The following SPTBN1 variants were observed in gnomAD, a reference collection of about 807,000 sequenced individuals.
SPTBN1 encodes the protein spectrin beta, non-erythrocytic 1, also known as spectrin beta chain, non-erythrocytic 1.
A neutral mutation model predicts 266.4 loss-of-function variants in SPTBN1; 32 were observed. That is an observed-to-expected ratio of 0.12 (90% CI 0.09 to 0.16). SPTBN1 has a LOEUF of 0.16. Among genes scored for constraint, SPTBN1 ranks in the 10% least tolerant of loss-of-function variants. The pLI, the probability that SPTBN1 is intolerant of heterozygous loss-of-function variation, is 1.00. For missense variants in SPTBN1, 2,296 were observed against 3,067.1 expected (o/e 0.75, Z 5.94); for synonymous variants, 1,336 against 1,162.2 (o/e 1.15, Z -3.04).
chr2:54,628,674 T>C lies in SPTBN1; in HGVS notation c.1799-259T>C, dbSNP rs1381849944. 6.6e-6 allele frequency among the ~76,000 whole-genome samples: 1 copy of C among 152,216 alleles called. No individual in the cohort carries two copies. The highest frequency in any genetic ancestry group is 2.4e-5 in the African/African-American group (1 of 41,464). ...ATATGCAGCTGCCTTTTTCATATGA[T>C]TCAAGTGCTTTCTTGCAGGAGGATG... On this transcript the variant is annotated intron_variant, in intron 13 of 35. Transcript: ENST00000356805. The surrounding 1 kb of genome is among the most constrained non-coding windows in gnomAD (Gnocchi z 4.3).
chr2:54,573,243 A>G (rs1056916364), intron 2 of SPTBN1, among the ~76,000 whole-genome samples: 13 of 152,122 alleles, frequency 8.5e-5, no homozygotes, highest in African/African-American at 3.1e-4. Flanking sequence ...GGCACCAGGG[A>G]CTGGTTTTGT....
chr2:54,598,891 C>CA (rs1350263264), intron 2 of SPTBN1, among the ~76,000 whole-genome samples: 8 of 152,146 alleles, frequency 5.3e-5, no homozygotes, highest in Non-Finnish European at 1.2e-4. Flanking sequence ...ATCGTAAAGT[C>CA]AAAAAATTGT....
intron 27 of SPTBN1, among the ~76,000 whole-genome samples, chr2:54,654,609 T>G (rs1680527490): frequency 6.6e-6 from 1 of 152,198 alleles, no homozygotes; most frequent in Non-Finnish European, 1.5e-5. Flanking sequence ...CTGTGTATCT[T>G]TTTGTGTCTG....
rs1681653129 is a variant in SPTBN1 at position 54,670,606 on chromosome 2, T to C, written c.*2037T>C. The stretch of plus-strand genomic sequence containing the variant: ...CAAAATGTTTAGTTAAGGCAAAGTA[T>C]CTTGGAAACAATTGTGATTAATTAC... On this transcript the variant is annotated 3_prime_UTR_variant, in exon 36 of 36. Coordinates refer to ENST00000356805, the MANE Select transcript of SPTBN1 (RefSeq NM_003128.3). 1 of 398,426 alleles carries C rather than the reference T, an allele frequency of 2.5e-6. No homozygotes were observed. The highest frequency in any genetic ancestry group is 4.4e-5 in the Admixed American group (1 of 22,720). 24.7% of individuals were successfully genotyped at this position (398,426 alleles called of 1,614,324 possible). A position where few individuals can be genotyped will look rare whatever the true frequency, so the allele number is the denominator to read the frequency against.
intron 2 of SPTBN1, among the ~76,000 whole-genome samples, chr2:54,560,559 T>TA (rs1036096095): frequency 6.6e-6 from 1 of 152,064 alleles, no homozygotes; most frequent in African/African-American, 2.4e-5. Flanking sequence ...AGTTTAAATT[T>TA]AAAAAAAATC....
At position 54,624,895 on chromosome 2, in the gene SPTBN1, G is replaced by A. The variant is rs750434494; in HGVS notation, c.1274G>A (p.Arg425His). The change falls in exon 11 of 36, where the codon CGC becomes CAC. Residue 425 changes from arginine to histidine, a missense_variant. This residue lies in a region of SPTBN1 where 148 missense variants were observed against 203.8 expected (regional missense o/e 0.73). Transcript: ENST00000356805. ...CAGGAGAAACTGGAACAGCTCGCCCGCAGATTTGATCGCAAGGCAGCTATG... is the reference window on the plus strand; with the variant it reads ...CAGGAGAAACTGGAACAGCTCGCCCACAGATTTGATCGCAAGGCAGCTATG... The part of the protein sequence containing the change: ...IRQEKLEQLA[R>H]RFDRKAAMRE... 5.6e-6 allele frequency: 9 copies of A among 1,613,804 alleles called. No individual in the cohort carries two copies. Among genetic ancestry groups the A allele is most frequent in the Admixed American group, 3.3e-5 (2 of 59,950 alleles).
intron 35 of SPTBN1, among the ~76,000 whole-genome samples, chr2:54,667,972 A>G (rs1456012474): frequency 6.6e-6 from 1 of 152,220 alleles, no homozygotes; most frequent in Non-Finnish European, 1.5e-5. Flanking sequence ...GCCAGCAGCC[A>G]GCTGTTTAAT....
At chr2:54,508,383 C>T (rs963827904) in intron 1 of SPTBN1, among the ~76,000 whole-genome samples, 1 of 152,112 alleles carries the variant, frequency 6.6e-6, no homozygotes, top group East Asian at 1.9e-4. Flanking sequence ...GGCAAATCCC[C>T]GAGCTTGATG....
chr2:54,589,636 T>C (rs1675536324), intron 2 of SPTBN1, among the ~76,000 whole-genome samples: 1 of 152,256 alleles, frequency 6.6e-6, no homozygotes, highest in African/African-American at 2.4e-5. Context: ...AAATTCTATT[T>C]TTATACAAAT....
intron 1 of SPTBN1, among the ~76,000 whole-genome samples, chr2:54,463,405 T>A (rs7592594): frequency 1.3e-4 from 20 of 152,166 alleles, no homozygotes; most frequent in African/African-American, 4.6e-4. Context: ...TCCAGCACAA[T>A]CCTCAGTGGA....
intron 2 of SPTBN1, among the ~76,000 whole-genome samples, chr2:54,545,173 T>C (rs977152966): frequency 1.3e-5 from 2 of 152,234 alleles, no homozygotes; most frequent in Non-Finnish European, 2.9e-5. Flanking sequence ...ATCCAATGTA[T>C]CATTAATGGG....
chr2:54,639,926 C>T (rs1228275972), intron 18 of SPTBN1, among the ~76,000 whole-genome samples: 2 of 152,158 alleles, frequency 1.3e-5, no homozygotes, highest in African/African-American at 2.4e-5. Flanking sequence ...CTGGTTTATC[C>T]TGTCTTCCCT....
At chr2:54,656,602 C>G (rs1367984597) in intron 29 of SPTBN1, among the ~76,000 whole-genome samples, 1 of 152,186 alleles carries the variant, frequency 6.6e-6, no homozygotes, top group Non-Finnish European at 1.5e-5. Flanking sequence ...CAGCGCAATT[C>G]TAGCATTGCT....
In SPTBN1 at chr2:54,472,572, A is replaced by G. The variant is rs540237966; in HGVS notation, c.-48+16054A>G. ...TAACTGTAGTCTCTCAATTTTTTTC[A>G]ATAGAAAGGCTTGTTTTTTAAGTCA... On this transcript the variant is annotated intron_variant, in intron 1 of 35. Coordinates refer to ENST00000356805, the MANE Select transcript of SPTBN1 (RefSeq NM_003128.3). Among the ~76,000 whole-genome samples the G allele has an allele frequency of 6.6e-5, 10 of 152,058 alleles. No individual in the cohort carries two copies. In the East Asian group the frequency reaches 9.7e-4, roughly 15 times the overall value.
intron 1 of SPTBN1, among the ~76,000 whole-genome samples, chr2:54,512,254 G>GT (rs914338731): frequency 2.0e-5 from 3 of 152,166 alleles, no homozygotes; most frequent in African/African-American, 7.2e-5. Context: ...TTATTTGAAT[G>GT]TTTTTTCTAG....
chr2:54,603,802 T>A (rs1178502383), intron 3 of SPTBN1, among the ~76,000 whole-genome samples: 2 of 152,186 alleles, frequency 1.3e-5, no homozygotes, highest in Non-Finnish European at 2.9e-5. Context: ...TGTTTGTGAA[T>A]GTGTATAGCA....
intron 17 of SPTBN1, among the ~76,000 whole-genome samples, chr2:54,633,587 G>A (rs1485936032): frequency 2.0e-5 from 3 of 152,176 alleles, no homozygotes; most frequent in African/African-American, 7.2e-5. Flanking sequence ...ACTAGCACAG[G>A]CCAGTCTGGG....
intron 3 of SPTBN1, among the ~76,000 whole-genome samples, chr2:54,600,121 T>G (rs566710684): frequency 6.6e-6 from 1 of 152,312 alleles, no homozygotes; most frequent in East Asian, 1.9e-4. Flanking sequence ...TAACTTGATC[T>G]CCACCCTGTA....
At position 54,666,067 on chromosome 2, in the gene SPTBN1, A is replaced by G; in HGVS notation, c.6812A>G (p.Lys2271Arg). 1 of 1,612,508 alleles carries G rather than the reference A, an allele frequency of 6.2e-7. No individual in the cohort carries two copies. Reference protein sequence around the residue: ...VCEVALDYKKKKHVFKLRLND... With the variant: ...VCEVALDYKKRKHVFKLRLND... ...GAAGTGGCCCTTGATTACAAAAAGA[A>G]GAAACACGTATTCAAGCTAAGGTGA... The change falls in exon 34 of 36, where the codon AAG becomes AGG. Residue 2271 changes from lysine (K) to arginine (R), a missense_variant. This residue lies in a region of SPTBN1 where 347 missense variants were observed against 368.5 expected (regional missense o/e 0.94). Coordinates refer to ENST00000356805, the MANE Select transcript of SPTBN1 (RefSeq NM_003128.3).
Sources: allele counts gnomAD v4.1 joint callset (sites outside exome capture counted in the v4.1 genomes callset), GRCh38; gene constraint gnomAD v4.1.1; regional missense constraint gnomAD v4.1.1; non-coding constraint Gnocchi (gnomAD v3.1); transcripts MANE v1.5; gene names NCBI Gene and HGNC (gene_info 2026-07-23, HGNC 2026-07-21).